The following NHS variants were observed in gnomAD, a reference collection of about 807,000 sequenced individuals.
The protein encoded by NHS is NHS actin remodeling regulator.
NHS carries 5 observed loss-of-function variants against 72.5 expected under a neutral mutation model. The observed-to-expected ratio is 0.07, with a 90% CI of 0.04 to 0.14. The LOEUF (loss-of-function observed/expected upper bound fraction) is 0.14. Ranked by LOEUF, NHS falls within the 10% of genes least tolerant of loss-of-function variation. The pLI, the probability that NHS is intolerant of heterozygous loss-of-function variation, is 1.00. For missense variants in NHS, 1,072 were observed against 1,355.7 expected (o/e 0.79, Z 3.29); for synonymous variants, 464 against 547.7 (o/e 0.85, Z 2.13).
chrX:17,504,464 A>G (rs2065048049), intron 1 of NHS, among the ~76,000 whole-genome samples: 1 of 112,561 alleles, frequency 8.9e-6, no homozygotes, highest in Non-Finnish European at 1.9e-5. Context: ...TTGACCCTCA[A>G]GCTGTCTCTC....
chrX:17,537,445 T>C (rs752149401), intron 1 of NHS, among the ~76,000 whole-genome samples: 4 of 112,707 alleles, frequency 3.5e-5, no homozygotes, highest in Non-Finnish European at 7.5e-5. Flanking sequence ...TCCAGTAATA[T>C]GCTTCCTAGC....
intron 1 of NHS, among the ~76,000 whole-genome samples, chrX:17,669,986 C>G (rs972014836): frequency 8.9e-6 from 1 of 111,883 alleles, no homozygotes; most frequent in African/African-American, 3.3e-5. Flanking sequence ...AGGCAGCTTG[C>G]CTGGGCAGCC....
rs1334832744 is a variant in NHS at position 17,404,801 on chromosome X, C to G, written c.565+28479C>G. Among the ~76,000 whole-genome samples the G allele has an allele frequency of 4.7e-5, 5 of 105,947 alleles. No individual in the cohort carries two copies. The East Asian group carries it at 1.5e-3, about 31-fold the overall frequency. The allele number at this position is 105,947 out of a possible 115,157, so 92.0% of individuals were successfully genotyped here. ...CATTGAGTTAGTTGCCCGTAACACT[C>G]TGTCTCTCTCTCTCTCTCTCTCTCT... On this transcript the variant is annotated intron_variant, in intron 1 of 8. Transcript: ENST00000676302.
Position 17,706,539 on chromosome X carries a change from A to G in NHS, c.853-12805A>G, listed in dbSNP as rs1187106430. 5.4e-5 allele frequency among the ~76,000 whole-genome samples: 6 copies of G among 110,877 alleles called. No homozygotes were observed. In the East Asian group the frequency reaches 1.7e-3, roughly 32 times the overall value. ...CACACACACACAGTTGGCGCCATGG[A>G]CATTTCACAGTTTCTGGGTTGGCAC... On this transcript the variant is annotated intron_variant, in intron 3 of 8. Transcript: ENST00000676302.
intron 5 of NHS, among the ~76,000 whole-genome samples, chrX:17,722,576 G>A (rs931079133): frequency 1.8e-5 from 2 of 111,137 alleles, no homozygotes; most frequent in African/African-American, 6.5e-5. Flanking sequence ...CAGATATCTG[G>A]GACAGATATT....
chrX:17,475,223 G>A (rs2064911169), intron 1 of NHS, among the ~76,000 whole-genome samples: 1 of 112,467 alleles, frequency 8.9e-6, no homozygotes, highest in Non-Finnish European at 1.9e-5. Context: ...GAAGTGTGGA[G>A]AAGGATGAGA....
intron 1 of NHS, among the ~76,000 whole-genome samples, chrX:17,511,562 T>C (rs893298340): frequency 3.6e-5 from 4 of 111,927 alleles, no homozygotes; most frequent in Admixed American, 2.8e-4. Flanking sequence ...TCAATAGATG[T>C]AGGGTAGGTC....
chrX:17,687,907 G>A lies in NHS; in HGVS notation c.718+13G>A, dbSNP rs753235773. 8.3e-6 allele frequency: 10 copies of A among 1,204,260 alleles called. No homozygotes were observed. The highest frequency in any genetic ancestry group is 4.8e-4 in the Middle Eastern group (2 of 4,130). On this transcript the variant is annotated intron_variant, in intron 2 of 8. Coordinates refer to ENST00000676302, the MANE Select transcript of NHS (RefSeq NM_001291867.2). ...GCCCTGCGCAGAGGTGACAGATCCT[G>A]GGCTTGGGGGCTTTTGCGGGAGACA...
intron 1 of NHS, among the ~76,000 whole-genome samples, chrX:17,465,862 G>A (rs762977054): frequency 8.9e-6 from 1 of 112,714 alleles, no homozygotes; most frequent in East Asian, 2.8e-4. Context: ...AAATCTTGCT[G>A]TGTGCTCACC....
At chrX:17,604,177 C>G (rs1233454314) in intron 1 of NHS, among the ~76,000 whole-genome samples, 1 of 107,569 alleles carries the variant, frequency 9.3e-6, no homozygotes, top group African/African-American at 3.4e-5. Flanking sequence ...TGGTACATTG[C>G]TTTAATAAAG....
chrX:17,617,981 A>G (rs745851120), intron 1 of NHS, among the ~76,000 whole-genome samples: 1 of 112,065 alleles, frequency 8.9e-6, no homozygotes, highest in South Asian at 3.8e-4. Flanking sequence ...TCTGTTCCCT[A>G]ATGTGAAAAA....
At chrX:17,683,428 G>C (rs1382155833) in intron 1 of NHS, among the ~76,000 whole-genome samples, 3 of 111,808 alleles carry the variant, frequency 2.7e-5, no homozygotes, top group South Asian at 3.8e-4. Context: ...CCTTAGCTTA[G>C]GGAAACTTAT....
Position 17,721,531 on chromosome X carries a change from C to G in NHS, c.1006C>G (p.Gln336Glu). The part of the protein sequence containing the change: ...IHNIPSTLDK[Q>E]TNWSKALPLP... ...CAATATCCCTTCCACACTGGACAAG[C>G]AGACCAACTGGAGCAAAGCACTACC... is the stretch of plus-strand genomic sequence containing the variant. Residue 336 changes from glutamine to glutamate, a missense_variant, in exon 5 of 9, where the codon CAG (glutamine) becomes GAG (glutamate). Transcript: ENST00000676302. 8.3e-7 allele frequency: 1 copy of G among 1,211,427 alleles called. No individual in the cohort carries two copies. The highest frequency in any genetic ancestry group is 3.0e-5 in the East Asian group (1 of 33,817).
chrX:17,446,581 C>T (rs1224360909), intron 1 of NHS, among the ~76,000 whole-genome samples: 1 of 108,631 alleles, frequency 9.2e-6, no homozygotes, highest in Non-Finnish European at 1.9e-5. Flanking sequence ...ATGGCCCCAC[C>T]CCTATCTCCT....
intron 1 of NHS, among the ~76,000 whole-genome samples, chrX:17,578,984 G>C (rs568323725): frequency 4.5e-5 from 5 of 111,617 alleles, no homozygotes; most frequent in South Asian, 7.4e-4. Context: ...GTGTACCAGT[G>C]TACAAAAAGG....
chrX:17,475,873 G>C (rs2064914870), intron 1 of NHS, among the ~76,000 whole-genome samples: 1 of 111,608 alleles, frequency 9.0e-6, no homozygotes, highest in Non-Finnish European at 1.9e-5. Context: ...CTTGCTCTTT[G>C]CCTCTCATTT....
intron 3 of NHS, among the ~76,000 whole-genome samples, chrX:17,704,766 A>G (rs1429254802): frequency 8.9e-6 from 1 of 112,072 alleles, no homozygotes; most frequent in Non-Finnish European, 1.9e-5. Flanking sequence ...AACGTAAATA[A>G]AAACTTCCAG....
At chrX:17,555,870 A>G (rs982053418) in intron 1 of NHS, among the ~76,000 whole-genome samples, 1 of 96,840 alleles carries the variant, frequency 1.0e-5, no homozygotes, top group Non-Finnish European at 2.1e-5. Context: ...ACACCCTTCA[A>G]AGGTCTCTGG....
At chrX:17,561,588 A>G (rs1192379587) in intron 1 of NHS, among the ~76,000 whole-genome samples, 2 of 99,581 alleles carry the variant, frequency 2.0e-5, no homozygotes, top group Middle Eastern at 4.9e-3. Flanking sequence ...ACACACACAC[A>G]CACACACACA....
Sources: gnomAD v4.1 joint callset for allele counts (sites outside exome capture counted in the v4.1 genomes callset) on GRCh38, gnomAD v4.1.1 for gene constraint, MANE v1.5 for transcripts, NCBI Gene and HGNC (gene_info 2026-07-23, HGNC 2026-07-21) for gene names.